Variants in CDK17 observed in about 807,000 individuals in gnomAD.
CDK17 encodes the protein cyclin dependent kinase 17, also known as cyclin-dependent kinase 17.
In CDK17, 24 loss-of-function variants were observed where a neutral mutation model predicts 77.6. The ratio of observed to expected loss-of-function variants is 0.31; its 90% confidence interval spans 0.22 to 0.44. CDK17 has a LOEUF of 0.44. Ranked by LOEUF, CDK17 falls within the 20% of genes least tolerant of loss-of-function variation. The pLI, the probability that CDK17 is intolerant of heterozygous loss-of-function variation, is 1.00. For synonymous variants in CDK17, 203 were observed against 210.4 expected (o/e 0.96, Z 0.30); for missense variants, 429 against 622.5 (o/e 0.69, Z 3.31).
chr12:96,315,792 G>C (rs1262454785), intron 3 of CDK17, among the ~76,000 whole-genome samples: 1 of 152,166 alleles, frequency 6.6e-6, no homozygotes, highest in Non-Finnish European at 1.5e-5. Flanking sequence ...TGCTGATGTT[G>C]ATGAGAAGGT....
chr12:96,299,026 G>T (rs756795498), intron 6 of CDK17, 43 bp from the exon 7 acceptor site: 1 of 970,488 alleles, frequency 1.0e-6, no homozygotes, highest in Non-Finnish European at 1.6e-6. Flanking sequence ...AGTATCATAA[G>T]AGTCTATTTA....
chr12:96,378,574 A>G (rs1209828251), intron 1 of CDK17, among the ~76,000 whole-genome samples: 1 of 152,228 alleles, frequency 6.6e-6, no homozygotes, highest in African/African-American at 2.4e-5. Context: ...TGCTACAGGG[A>G]TATTGTTGCT....
chr12:96,343,295 C>T (rs1953150676), intron 1 of CDK17, among the ~76,000 whole-genome samples: 1 of 152,228 alleles, frequency 6.6e-6, no homozygotes. Flanking sequence ...GATCTTGACT[C>T]ACATGGGCAA....
chr12:96,389,098 A>G (rs1020190485), intron 1 of CDK17, among the ~76,000 whole-genome samples: 4 of 151,042 alleles, frequency 2.6e-5, no homozygotes, highest in African/African-American at 9.7e-5. Context: ...GGGTAGCTGG[A>G]ACTACAGGCA....
rs574803600 is a variant in CDK17, at chr12:96,306,572, A to G, written c.543+4480T>C. Among the ~76,000 whole-genome samples the G allele has an allele frequency of 3.6e-4, 55 of 152,268 alleles. No individual in the cohort carries two copies. In the East Asian group the frequency reaches 9.6e-3, roughly 27 times the overall value. On this transcript the variant is annotated intron_variant, in intron 5 of 16. Transcript: ENST00000261211. ...GAAAAATGAAGTCTAGTACATGTGA[A>G]GAATATTTTTCTTTTCCTACCTCCT...
chr12:96,397,373 C>T (rs897179263), intron 1 of CDK17, among the ~76,000 whole-genome samples: 11 of 151,998 alleles, frequency 7.2e-5, no homozygotes, highest in Non-Finnish European at 1.6e-4. Context: ...TCAATTCCTC[C>T]AATTTCATGT....
chr12:96,397,226 G>A (rs957899635), intron 1 of CDK17, among the ~76,000 whole-genome samples: 2 of 151,984 alleles, frequency 1.3e-5, no homozygotes, highest in Non-Finnish European at 2.9e-5. Flanking sequence ...AAACATATAC[G>A]TTAAAATCTG....
intron 1 of CDK17, among the ~76,000 whole-genome samples, chr12:96,383,370 C>G (rs1423983472): frequency 7.0e-6 from 1 of 142,828 alleles, no homozygotes; most frequent in Non-Finnish European, 1.5e-5. Context: ...CTATTCCTAT[C>G]AAACTATCAA....
chr12:96,340,460 T>C (rs966938027), intron 1 of CDK17, among the ~76,000 whole-genome samples: 6 of 152,162 alleles, frequency 3.9e-5, no homozygotes, highest in Non-Finnish European at 5.9e-5. Flanking sequence ...TGTGGTATAA[T>C]TGTAAAATTT....
At chr12:96,318,341 T>A (rs1297064780) in intron 3 of CDK17, among the ~76,000 whole-genome samples, 26 of 148,082 alleles carry the variant, frequency 1.8e-4, no homozygotes, top group Non-Finnish European at 3.6e-4. Flanking sequence ...CTCCCACACA[T>A]TAATAATGGG....
chr12:96,340,748 G>A (rs1287277074), intron 1 of CDK17, among the ~76,000 whole-genome samples: 1 of 152,034 alleles, frequency 6.6e-6, no homozygotes, highest in Non-Finnish European at 1.5e-5. Flanking sequence ...CTAAATTACT[G>A]ATTATCTAAA....
At chr12:96,354,262 T>C (rs948647712) in intron 1 of CDK17, among the ~76,000 whole-genome samples, 2 of 152,210 alleles carry the variant, frequency 1.3e-5, no homozygotes, top group African/African-American at 2.4e-5. Context: ...CTCAATTTTC[T>C]TTCCACAGTA....
chr12:96,280,074 C>T lies in CDK17; in HGVS notation c.*168G>A. Reference sequence around the variant, plus strand: ...ACAAAAAATTGTCACACTGTGACAACAAATATAAAAACAATCTGTAGGTCT... The same window carrying T: ...ACAAAAAATTGTCACACTGTGACAATAAATATAAAAACAATCTGTAGGTCT... On this transcript the variant is annotated 3_prime_UTR_variant, in exon 17 of 17. Coordinates refer to ENST00000261211, the MANE Select transcript of CDK17 (RefSeq NM_002595.5). 1.6e-6 allele frequency: 1 copy of T among 638,210 alleles called. No homozygotes were observed. The highest frequency in any genetic ancestry group is 2.5e-6 in the Non-Finnish European group (1 of 403,744). The allele number at this position is 638,210 out of a possible 1,614,324, so 39.5% of individuals were successfully genotyped here. A position where few individuals can be genotyped will look rare whatever the true frequency, so the allele number is the denominator to read the frequency against.
intron 5 of CDK17, among the ~76,000 whole-genome samples, chr12:96,304,430 G>C (rs1952550890): frequency 6.6e-6 from 1 of 152,058 alleles, no homozygotes; most frequent in Admixed American, 6.6e-5. Flanking sequence ...CCAGCTACTC[G>C]GGAGGCTGAG....
chr12:96,394,401 G>C (rs986722480), intron 1 of CDK17, among the ~76,000 whole-genome samples: 4 of 152,154 alleles, frequency 2.6e-5, no homozygotes, highest in Admixed American at 1.3e-4. Context: ...AGAATACAAT[G>C]AAAGAGAAAT....
Position 96,389,025 on chromosome 12 carries a change from T to TA in CDK17, c.-30+10960_-30+10961insT, listed in dbSNP as rs879384339. 2.3e-3 allele frequency among the ~76,000 whole-genome samples: 312 copies of TA among 133,750 alleles called. 2 individuals carry two copies. The highest frequency in any genetic ancestry group is 3.3e-3 in the Non-Finnish European group (201 of 61,092). 87.7% of individuals were successfully genotyped at this position (133,750 alleles called of 152,430 possible). A position where few individuals can be genotyped will look rare whatever the true frequency, so the allele number is the denominator to read the frequency against. ...ATACCTCCCACCAGGCCTCACTTTT[T>TA]TTTATTATTATTATTATTATTTTTT... On this transcript the variant is annotated intron_variant, in intron 1 of 16. Transcript: ENST00000261211.
chr12:96,296,804 G>GA (rs1271186043), intron 9 of CDK17, among the ~76,000 whole-genome samples: 1 of 152,270 alleles, frequency 6.6e-6, no homozygotes, highest in African/African-American at 2.4e-5. Context: ...TCTTCTTCCT[G>GA]ACAGTACAGA....
intron 1 of CDK17, among the ~76,000 whole-genome samples, chr12:96,354,794 G>A (rs1474536830): frequency 1.3e-5 from 2 of 152,066 alleles, no homozygotes; most frequent in Non-Finnish European, 2.9e-5. Flanking sequence ...TGAGACAGGA[G>A]GATTACTTGA....
chr12:96,295,592 G>A (rs1342132500), intron 9 of CDK17, among the ~76,000 whole-genome samples: 1 of 151,900 alleles, frequency 6.6e-6, no homozygotes, highest in African/African-American at 2.4e-5. Flanking sequence ...ATAAGGCACT[G>A]GAATTGGCGA....
Sources: gnomAD v4.1 joint callset for allele counts (sites outside exome capture counted in the v4.1 genomes callset) on GRCh38, gnomAD v4.1.1 for gene constraint, MANE v1.5 for transcripts, NCBI Gene and HGNC (gene_info 2026-07-23, HGNC 2026-07-21) for gene names.